PRDM1: variants seen among roughly 807,000 people sequenced by gnomAD.
The protein encoded by PRDM1 is PR domain zinc finger protein 1.
In PRDM1, 13 loss-of-function variants were observed where a neutral mutation model predicts 62.8. The ratio of observed to expected loss-of-function variants is 0.21; its 90% CI spans 0.13 to 0.33. The LOEUF (loss-of-function observed/expected upper bound fraction) is 0.33. PRDM1 is among the 10% of genes least tolerant of loss of function. The pLI is 1.00. For synonymous variants in PRDM1, 396 were observed against 417.6 expected (o/e 0.95, Z 0.63); for missense variants, 895 against 1,058.8 (o/e 0.85, Z 2.15).
chr6:106,065,554 G>T (rs546043182), intron 1 of PRDM1, among the ~76,000 whole-genome samples: 1 of 152,054 alleles, frequency 6.6e-6, no homozygotes, highest in Non-Finnish European at 1.5e-5. Flanking sequence ...TAATGTTCAG[G>T]TTATCGTAAT....
chr6:106,030,302 A>C (rs1295217963), intron 1 of PRDM1, among the ~76,000 whole-genome samples: 4 of 152,068 alleles, frequency 2.6e-5, no homozygotes, highest in African/African-American at 9.7e-5. Flanking sequence ...CAGAGTAGTT[A>C]TGACTACAAG....
chr6:106,062,607 A>G (rs1773360823), intron 1 of PRDM1, among the ~76,000 whole-genome samples: 1 of 152,196 alleles, frequency 6.6e-6, no homozygotes, highest in South Asian at 2.1e-4. Flanking sequence ...TTGCTCTAAC[A>G]AGAGTTATTC....
chr6:106,019,920 G>A (rs1236426698), intron 1 of PRDM1, among the ~76,000 whole-genome samples: 11 of 149,262 alleles, frequency 7.4e-5, no homozygotes, highest in South Asian at 4.3e-4. Flanking sequence ...GATTACAGGC[G>A]TGAGCTGCCT....
upstream of PRDM1, among the ~76,000 whole-genome samples, chr6:106,083,382 G>GA (rs201343905): frequency 1.1e-4 from 17 of 150,192 alleles, no homozygotes; most frequent in East Asian, 5.8e-4. Flanking sequence ...TTTACCTTAG[G>GA]AAAAAAAAGT....
chr6:106,071,603 G>A (rs536144889), intron 1 of PRDM1, among the ~76,000 whole-genome samples: 9 of 152,144 alleles, frequency 5.9e-5, no homozygotes, highest in Admixed American at 2.0e-4. Context: ...CACAATTTGT[G>A]TGGCCACAGA....
chr6:106,015,928 T>C (rs1772613753), intron 1 of PRDM1, among the ~76,000 whole-genome samples: 1 of 152,192 alleles, frequency 6.6e-6, no homozygotes, highest in African/African-American at 2.4e-5. Context: ...GTCAACATTA[T>C]CTGTTTCTAG....
Position 106,109,027 on chromosome 6 carries a change from A to C in PRDM1, c.*1541A>C, listed in dbSNP as rs576531717. The C allele has an allele frequency of 1.0e-5, 2 of 200,796 alleles. No individual in the cohort carries two copies. Among genetic ancestry groups the C allele is most frequent in the East Asian group, 1.6e-4 (2 of 12,866 alleles). 12.4% of individuals were successfully genotyped at this position (200,796 alleles called of 1,614,324 possible). ...CTATTTATACCACTATATCATATGT[A>C]TATATATTTATAACCACTTAAATTG... On this transcript the variant is annotated 3_prime_UTR_variant, in exon 7 of 7. Transcript: ENST00000369096.
In PRDM1 at chr6:106,099,307, C is replaced by G. The variant is rs2114637957; in HGVS notation, c.419C>G (p.Ser140Cys). ...GTCTTCTCTTTTGGACAGATCTATT[C>G]CAGAGGGGAGCTTCACCACTTCATT... ...ANRKYFWRIY[S>C]RGELHHFIDG... Residue 140 changes from serine (S) to cysteine (C), a missense_variant, in exon 4 of 7, where the codon TCC becomes TGC. By Grantham distance (112) the Ser-to-Cys change is moderately radical. Transcript: ENST00000369096. 1 of 1,614,062 alleles carries G rather than the reference C, an allele frequency of 6.2e-7. No homozygotes were observed. Among genetic ancestry groups the G allele is most frequent in the Non-Finnish European group, 8.5e-7 (1 of 1,180,006 alleles).
chr6:106,086,465 A>C lies in PRDM1; in HGVS notation c.-89A>C. The C allele has an allele frequency of 7.5e-7, 1 of 1,335,042 alleles. No homozygotes were observed. The highest frequency in any genetic ancestry group is 1.0e-6 in the Non-Finnish European group (1 of 965,254). 82.7% of individuals were successfully genotyped at this position (1,335,042 alleles called of 1,614,324 possible). ...GGGCGGCCGGACGAAGCGAGGAGGG[A>C]CCGCCGAGGTGCGCGTCTGTGCGGC... On this transcript the variant is annotated 5_prime_UTR_variant, in exon 1 of 7. Coordinates refer to ENST00000369096, the MANE Select transcript of PRDM1 (RefSeq NM_001198.4).
intron 1 of PRDM1, among the ~76,000 whole-genome samples, chr6:106,051,786 A>G (rs4607469): frequency 0.9 from 136,873 of 152,200 alleles, 61,628 homozygotes; most frequent in South Asian, 0.94. Flanking sequence ...AGGTGAGTGG[A>G]TGGCCTATGA....
chr6:106,011,582 A>G (rs1284918700), intron 1 of PRDM1, among the ~76,000 whole-genome samples: 1 of 152,054 alleles, frequency 6.6e-6, no homozygotes, highest in Non-Finnish European at 1.5e-5. Flanking sequence ...TGCCCAGACA[A>G]GTGGGTGAGA....
intron 4 of PRDM1, among the ~76,000 whole-genome samples, chr6:106,102,817 A>T (rs1229550397): frequency 6.6e-6 from 1 of 152,162 alleles, no homozygotes; most frequent in South Asian, 2.1e-4. Flanking sequence ...AGTTTTTTGT[A>T]TTTCCATTTT....
intron 1 of PRDM1, among the ~76,000 whole-genome samples, chr6:106,012,294 CAT>C (rs1286697737): frequency 5.3e-5 from 8 of 150,162 alleles, no homozygotes. Flanking sequence ...CTCACACAAA[CAT>C]ACCACACACA....
chr6:106,008,854 T>G (rs1772510953), intron 1 of PRDM1, among the ~76,000 whole-genome samples: 1 of 152,212 alleles, frequency 6.6e-6, no homozygotes. Flanking sequence ...CTTTGTATTC[T>G]CCTGTCTCCA....
chr6:106,087,496 C>T (rs984882900), intron 1 of PRDM1: 4 of 232,586 alleles, frequency 1.7e-5, no homozygotes, highest in African/African-American at 4.4e-5. Flanking sequence ...GCTGTTTTCC[C>T]CTTCACCCAT....
At chr6:106,011,571 GT>G (rs1318272947) in intron 1 of PRDM1, among the ~76,000 whole-genome samples, 1 of 152,128 alleles carries the variant, frequency 6.6e-6, no homozygotes, top group Non-Finnish European at 1.5e-5. Context: ...CCTGAGGGCA[GT>G]GCCCAGACAA....
chr6:106,075,311 A>G (rs191765258), intron 1 of PRDM1, among the ~76,000 whole-genome samples: 130 of 152,294 alleles, frequency 8.5e-4, no homozygotes, highest in Non-Finnish European at 1.2e-3. Context: ...ATTTTCCTAT[A>G]TTAAATTAGA....
chr6:106,052,364 G>T (rs1773190640), intron 1 of PRDM1, among the ~76,000 whole-genome samples: 1 of 152,004 alleles, frequency 6.6e-6, no homozygotes, highest in Admixed American at 6.6e-5. Flanking sequence ...TTACTCTATG[G>T]AAGATTTTCA....
chr6:106,044,776 A>G (rs1186643337), upstream of PRDM1, among the ~76,000 whole-genome samples: 1 of 152,340 alleles, frequency 6.6e-6, no homozygotes, highest in East Asian at 1.9e-4. Context: ...ATCCACCTAG[A>G]TAAGACAAGG....
Sources: allele counts gnomAD v4.1 joint callset (sites outside exome capture counted in the v4.1 genomes callset), GRCh38; gene constraint gnomAD v4.1.1; transcripts MANE v1.5; gene names NCBI Gene and HGNC (gene_info 2026-07-23, HGNC 2026-07-21).